ZNF746: variants seen among roughly 807,000 people sequenced by gnomAD.
ZNF746 encodes parkin-interacting substrate.
In ZNF746, 13 loss-of-function variants were observed where a neutral mutation model predicts 41.0. The observed-to-expected ratio is 0.32, with a 90% confidence interval of 0.21 to 0.50. ZNF746 has a LOEUF of 0.50. Among genes scored for constraint, ZNF746 ranks in the 20% least tolerant of loss-of-function variants. The pLI is 0.98. For missense variants in ZNF746, 811 were observed against 922.9 expected (o/e 0.88, Z 1.57); for synonymous variants, 424 against 396.2 (o/e 1.07, Z -0.83).
chr7:149,476,564 T>A (rs926825575), intron 6 of ZNF746, among the ~76,000 whole-genome samples: 3 of 152,156 alleles, frequency 2.0e-5, no homozygotes, highest in Admixed American at 6.5e-5. Context: ...GTAGTACCAA[T>A]ATCTAAGAAG....
rs759351635 is a variant in ZNF746, at chr7:149,497,500, G to A, written c.24+13C>T. On this transcript the variant is annotated intron_variant, in intron 1 of 6. Coordinates refer to ENST00000458143, the MANE Select transcript of ZNF746 (RefSeq NM_001394198.1). The surrounding 1 kb of genome is among the most constrained non-coding windows in gnomAD (Gnocchi z 4.2). ...CCAGGCCGCGAGTCCCTGCGCGCGC[G>A]GGTCGCCCTTACCGGAGCCGCGACC... 9.1e-7 allele frequency: 1 copy of A among 1,099,858 alleles called. No homozygotes were observed. The highest frequency in any genetic ancestry group is 3.6e-5 in the South Asian group (1 of 27,422). 68.1% of individuals were successfully genotyped at this position (1,099,858 alleles called of 1,614,324 possible).
intron 1 of ZNF746, among the ~76,000 whole-genome samples, chr7:149,495,051 C>CT (rs1006996581): frequency 9.2e-5 from 14 of 152,004 alleles, no homozygotes; most frequent in Non-Finnish European, 1.5e-4. Flanking sequence ...TTTCTTTTTT[C>CT]TTTTTTTGTT....
chr7:149,496,434 G>A (rs1723715), intron 1 of ZNF746, among the ~76,000 whole-genome samples: 1 of 152,128 alleles, frequency 6.6e-6, no homozygotes, highest in Admixed American at 6.5e-5. Flanking sequence ...AAGAGGAGCC[G>A]GATCCCTCAT....
At chr7:149,493,879 C>T in intron 3 of ZNF746, 110 bp downstream of exon 3, 1 of 1,566,782 alleles carries the variant, frequency 6.4e-7, no homozygotes, top group Non-Finnish European at 8.7e-7. Flanking sequence ...GCAAGGTCAA[C>T]AATGTTTCTG....
Position 149,492,865 on chromosome 7 carries a change from T to G in ZNF746, c.559A>C (p.Ser187Arg). 1 of 1,612,990 alleles carries G rather than the reference T, an allele frequency of 6.2e-7. No individual in the cohort carries two copies. The highest frequency in any genetic ancestry group is 1.1e-5 in the South Asian group (1 of 91,014). Residue 187 changes from serine to arginine, a missense_variant, in exon 4 of 7, where the codon AGT (serine) becomes CGT (arginine). Coordinates refer to ENST00000458143, the MANE Select transcript of ZNF746 (RefSeq NM_001394198.1). ...PKIPDVPVDP[S>R]PGSGPPVPAP... ...GCCTTCTCCCAGCCCTTACCTGGAC[T>G]GGGGTCCACAGGAACATCTGGAATC...
intron 4 of ZNF746, among the ~76,000 whole-genome samples, chr7:149,484,217 C>T (rs957550894): frequency 6.6e-6 from 1 of 151,998 alleles, no homozygotes. Flanking sequence ...TTTTTAATAC[C>T]GAAACCAGAC....
chr7:149,493,847 CCTT>C, intron 3 of ZNF746, 139 bp downstream of exon 3: 1 of 1,387,344 alleles, frequency 7.2e-7, no homozygotes, highest in Non-Finnish European at 9.9e-7. Context: ...CAGGGCTCAT[CCTT>C]CACAAAAGGT....
intron 5 of ZNF746, among the ~76,000 whole-genome samples, chr7:149,477,296 C>CCA (rs1485318778): frequency 6.6e-6 from 1 of 152,128 alleles, no homozygotes; most frequent in Non-Finnish European, 1.5e-5. Flanking sequence ...ACTTCAATGC[C>CCA]CAATGCTGGG....
intron 4 of ZNF746, among the ~76,000 whole-genome samples, chr7:149,481,259 G>T (rs911970899): frequency 1.3e-5 from 2 of 152,180 alleles, no homozygotes; most frequent in African/African-American, 2.4e-5. Context: ...GTGGGGGATT[G>T]GTTCTAGGGC....
At chr7:149,492,621 G>C (rs2116490436) in intron 4 of ZNF746, among the ~76,000 whole-genome samples, 1 of 152,274 alleles carries the variant, frequency 6.6e-6, no homozygotes, top group East Asian at 1.9e-4. Flanking sequence ...CCCTGCCTTT[G>C]TCTCTTCCTA....
rs1800505073 is a variant in ZNF746, at chr7:149,482,257, C to G, written c.566-4502G>C. On this transcript the variant is annotated intron_variant, in intron 4 of 6. Coordinates refer to ENST00000458143, the MANE Select transcript of ZNF746 (RefSeq NM_001394198.1). ...GACTAAAACCAAACAAATCCCCCAGCTATCTGCTGTTTACAAGAGACATAC... is the reference window on the plus strand; with the variant it reads ...GACTAAAACCAAACAAATCCCCCAGGTATCTGCTGTTTACAAGAGACATAC... 3.3e-5 allele frequency among the ~76,000 whole-genome samples: 5 copies of G among 152,122 alleles called. No homozygotes were observed. In the South Asian group the frequency reaches 1.0e-3, roughly 31 times the overall value.
intron 4 of ZNF746, among the ~76,000 whole-genome samples, chr7:149,478,931 G>C (rs560967860): frequency 6.6e-6 from 1 of 152,342 alleles, no homozygotes; most frequent in East Asian, 1.9e-4. Flanking sequence ...CACAGCTAGA[G>C]AGAATATTAG....
intron 4 of ZNF746, among the ~76,000 whole-genome samples, chr7:149,483,664 C>T (rs1800545286): frequency 6.7e-6 from 1 of 150,144 alleles, no homozygotes; most frequent in African/African-American, 2.4e-5. Context: ...AGCGTCAATG[C>T]AAGACATTAG....
At chr7:149,491,719 C>T (rs111503326) in intron 4 of ZNF746, 13,328 of 596,486 alleles carry the variant, frequency 0.022, 1,012 homozygotes, top group East Asian at 0.22. Flanking sequence ...AGGGCCTCTG[C>T]GGACCACCAC....
intron 4 of ZNF746, among the ~76,000 whole-genome samples, chr7:149,483,380 A>AGGT (rs1800535240): frequency 6.6e-6 from 1 of 152,252 alleles, no homozygotes; most frequent in Middle Eastern, 3.4e-3. Flanking sequence ...TGGGAAGCTG[A>AGGT]GGTGGATCAC....
chr7:149,476,238 G>C (rs183675206), intron 6 of ZNF746, among the ~76,000 whole-genome samples: 1 of 148,200 alleles, frequency 6.7e-6, no homozygotes, highest in Non-Finnish European at 1.5e-5. Flanking sequence ...GCGTGAACCC[G>C]GAAGGCGGAG....
At chr7:149,476,893 C>G in intron 6 of ZNF746, 29 bp downstream of exon 6, 1 of 1,613,636 alleles carries the variant, frequency 6.2e-7, no homozygotes, top group Non-Finnish European at 8.5e-7. Context: ...CAAGCATGGC[C>G]CTTCCCTTCC....
In ZNF746 at chr7:149,474,848, C is replaced by G; in HGVS notation, c.1519G>C (p.Gly507Arg). ...CTGCCGCCACCGCCGCCGCCACTGC[C>G]GCTGCCGCCACCGCCTGTGCCCGGG... ...SGPGTGGGGS[G>R]SGGGGGGSGG... Residue 507 changes from glycine (G) to arginine (R), a missense_variant, in exon 7 of 7, where the codon GGC (glycine) becomes CGC (arginine). Coordinates refer to ENST00000458143, the MANE Select transcript of ZNF746 (RefSeq NM_001394198.1). The surrounding 1 kb of genome is among the most constrained non-coding windows in gnomAD (Gnocchi z 6.3). The G allele has an allele frequency of 1.4e-6, 2 of 1,427,866 alleles. No homozygotes were observed. Among genetic ancestry groups the G allele is most frequent in the Non-Finnish European group, 1.8e-6 (2 of 1,097,768 alleles). The allele number at this position is 1,427,866 out of a possible 1,614,324, so 88.4% of individuals were successfully genotyped here. A position where few individuals can be genotyped will look rare whatever the true frequency, so the allele number is the denominator to read the frequency against.
chr7:149,477,427 C>T (rs746283365), intron 5 of ZNF746, 137 bp downstream of exon 5: 14 of 1,057,182 alleles, frequency 1.3e-5, no homozygotes, highest in South Asian at 3.1e-5. Flanking sequence ...AGTCCTACCT[C>T]GAGACGGGAA....
Sources: gnomAD v4.1 joint callset for allele counts (sites outside exome capture counted in the v4.1 genomes callset) on GRCh38, gnomAD v4.1.1 for gene constraint, Gnocchi (gnomAD v3.1) non-coding constraint, MANE v1.5 for transcripts, NCBI Gene and HGNC (gene_info 2026-07-23, HGNC 2026-07-21) for gene names.